The following LIMCH1 variants were observed in gnomAD, a reference collection of about 807,000 sequenced individuals.
The protein encoded by LIMCH1 is LIM and calponin homology domains-containing protein 1.
Under a neutral mutation model 176.5 loss-of-function variants are expected in LIMCH1, and 113 were observed. That is an observed-to-expected ratio of 0.64 (90% CI 0.55 to 0.75). The LOEUF is 0.75. Ranked by LOEUF, LIMCH1 falls within the 30% of genes least tolerant of loss-of-function variation. The pLI is 0.00. For synonymous variants in LIMCH1, 619 were observed against 645.9 expected, an observed-to-expected ratio of 0.96 and a Z score of 0.63; for missense variants, 1,674 against 1,814.9, an observed-to-expected ratio of 0.92 and a Z score of 1.41.
At chr4:41,392,577 A>G (rs1016476017) in intron 1 of LIMCH1, among the ~76,000 whole-genome samples, 3 of 152,310 alleles carry the variant, frequency 2.0e-5, no homozygotes, top group Middle Eastern at 3.4e-3. Flanking sequence ...GTCATGTTGT[A>G]GGAAAAATGT....
intron 1 of LIMCH1, among the ~76,000 whole-genome samples, chr4:41,413,457 G>A (rs917926109): frequency 6.6e-6 from 1 of 151,340 alleles, no homozygotes; most frequent in South Asian, 2.1e-4. Context: ...AGCCTCCTGA[G>A]TAGCTAGGAT....
At position 41,632,801 on chromosome 4, in the gene LIMCH1, C is replaced by A. The variant is rs1257601166; in HGVS notation, c.1654C>A (p.Pro552Thr). The A allele has an allele frequency of 1.3e-6, 2 of 1,536,074 alleles. No homozygotes were observed. The highest frequency in any genetic ancestry group is 2.4e-5 in the East Asian group (1 of 40,922). Residue 552 changes from proline to threonine, a missense_variant, in exon 11 of 32, where the codon CCT (proline) becomes ACT (threonine). This residue lies in a region of LIMCH1 where 4 missense variants were observed against 20.2 expected (regional missense o/e 0.20). Transcript: ENST00000503057. ...TTGCAGAAGGGCCTCGTGGCTGGCTCCTGTGCCGGAGTCTCAGGAAGAGTG... is the reference window on the plus strand; with the variant it reads ...TTGCAGAAGGGCCTCGTGGCTGGCTACTGTGCCGGAGTCTCAGGAAGAGTG... ...DYCRRASWLAPVPESQEEWVC... is the reference protein window; with the variant it reads ...DYCRRASWLATVPESQEEWVC...
rs2095224624 is a variant in LIMCH1 at position 41,676,530 on chromosome 4, A to T, written c.3519+68A>T. ...CCTCTTGCTTTCCATTGCATTAAAT[A>T]GACTTTTAGCACAGGAAATGAATGG... is the stretch of plus-strand genomic sequence containing the variant. On this transcript the variant is annotated intron_variant, in intron 23 of 31. Coordinates refer to ENST00000503057, the MANE Select transcript of LIMCH1 (RefSeq NM_001330672.2). 2.7e-6 allele frequency: 3 copies of T among 1,128,600 alleles called. No individual in the cohort carries two copies. In the African/African-American group the frequency reaches 4.6e-5, roughly 17 times the overall value. 69.9% of individuals were successfully genotyped at this position (1,128,600 alleles called of 1,614,324 possible).
In LIMCH1 at chr4:41,692,340, G is replaced by T; in HGVS notation, c.4334G>T (p.Arg1445Leu). ...GTGAGTGGGACGGATGTTAGGATTC[G>T]AAATGGTCTCCTGAACTGTAATGAT... ...DAVSGTDVRI[R>L]NGLLNCNDCY... The change falls in exon 31 of 32, where the codon CGA (arginine) becomes CTA (leucine). Residue 1445 changes from arginine (R) to leucine (L), a missense_variant. Around this residue, in one of 3 missense-constraint regions of LIMCH1, gnomAD observed 1,015 missense variants for 1,102.5 expected, o/e 0.92. Transcript: ENST00000503057. The T allele has an allele frequency of 6.2e-7, 1 of 1,613,524 alleles. No individual in the cohort carries two copies.
intron 1 of LIMCH1, among the ~76,000 whole-genome samples, chr4:41,438,791 C>T (rs1200830118): frequency 5.9e-5 from 9 of 152,228 alleles, no homozygotes; most frequent in African/African-American, 1.7e-4. Flanking sequence ...ACATGCACCT[C>T]GCCCAGGCCA....
At chr4:41,518,318 T>C (rs1445331123) in intron 2 of LIMCH1, among the ~76,000 whole-genome samples, 1 of 152,206 alleles carries the variant, frequency 6.6e-6, no homozygotes, top group Non-Finnish European at 1.5e-5. Flanking sequence ...AACTACTATA[T>C]GGGCTGTTGG....
intron 1 of LIMCH1, among the ~76,000 whole-genome samples, chr4:41,424,143 C>A (rs2060869481): frequency 7.4e-6 from 1 of 135,108 alleles, no homozygotes. Flanking sequence ...ACGTAGGGCT[C>A]CCTCTTTCCC....
Position 41,401,665 on chromosome 4 carries a change from C to G in LIMCH1, c.96+40729C>G, listed in dbSNP as rs543640030. On this transcript the variant is annotated intron_variant, in intron 1 of 26. Transcript: ENST00000313860. Reference sequence around the variant, plus strand: ...GATATTGATTCTTCCTACCCATGAGCATGGAATGTTCTTCCATTTGTTTGT... The same window carrying G: ...GATATTGATTCTTCCTACCCATGAGGATGGAATGTTCTTCCATTTGTTTGT... Among the ~76,000 whole-genome samples the G allele has an allele frequency of 2.2e-4, 33 of 152,220 alleles. 1 individual carries two copies. The South Asian group carries it at 4.6e-3, about 21-fold the overall frequency.
chr4:41,641,130 T>C (rs979489146), intron 14 of LIMCH1, among the ~76,000 whole-genome samples: 2 of 152,156 alleles, frequency 1.3e-5, no homozygotes, highest in Admixed American at 1.3e-4. Flanking sequence ...GGGAGACTCC[T>C]GGACTCTGCA....
rs1038096439 is a variant in LIMCH1 at position 41,625,408 on chromosome 4, C to T, written c.726-1300C>T. On this transcript the variant is annotated intron_variant, in intron 7 of 31. Transcript: ENST00000503057. Reference sequence around the variant, plus strand: ...TACCTAGACACCTGTGAATACAATCCTACATATCTACCTTATACATATTAT... The same window carrying T: ...TACCTAGACACCTGTGAATACAATCTTACATATCTACCTTATACATATTAT... Among the ~76,000 whole-genome samples, 3 of 152,252 alleles carry T rather than the reference C, an allele frequency of 2.0e-5. No homozygotes were observed. The East Asian group carries it at 5.8e-4, about 29-fold the overall frequency.
chr4:41,631,032 G>A (rs762760277), intron 9 of LIMCH1, 116 bp from the exon 10 acceptor site: 21 of 855,942 alleles, frequency 2.5e-5, no homozygotes, highest in Non-Finnish European at 2.9e-5. Flanking sequence ...GTGGGATGCC[G>A]AACTCACTGA....
At chr4:41,394,677 C>T (rs1481343856) in intron 1 of LIMCH1, among the ~76,000 whole-genome samples, 1 of 152,168 alleles carries the variant, frequency 6.6e-6, no homozygotes, top group Non-Finnish European at 1.5e-5. Flanking sequence ...TAATGTTCCC[C>T]TGGAAATCAC....
intron 8 of LIMCH1, 22 bp downstream of exon 8, chr4:41,627,032 G>A (rs1246896747): frequency 6.6e-7 from 1 of 1,511,816 alleles, no homozygotes; most frequent in East Asian, 2.4e-5. Context: ...GTGTGTGTGT[G>A]TGTGTGTGTG....
chr4:41,594,027 T>G (rs1438114071), intron 1 of LIMCH1, among the ~76,000 whole-genome samples: 2 of 152,164 alleles, frequency 1.3e-5, no homozygotes, highest in African/African-American at 4.8e-5. Context: ...ATTATGATAA[T>G]TCACCCCTAA....
intron 1 of LIMCH1, among the ~76,000 whole-genome samples, chr4:41,567,444 T>C (rs529306552): frequency 1.4e-4 from 22 of 152,196 alleles, no homozygotes; most frequent in Non-Finnish European, 2.2e-4. Context: ...AAGTAAAGTA[T>C]TTATGCAAAA....
intron 2 of LIMCH1, among the ~76,000 whole-genome samples, chr4:41,509,813 A>G (rs2074640922): frequency 6.6e-6 from 1 of 152,196 alleles, no homozygotes; most frequent in South Asian, 2.1e-4. Flanking sequence ...CACCAAATAA[A>G]TAGCCCTTGG....
chr4:41,685,001 G>A (rs1025092049), intron 27 of LIMCH1, among the ~76,000 whole-genome samples: 4 of 152,000 alleles, frequency 2.6e-5, no homozygotes, highest in East Asian at 1.9e-4. Context: ...TGTATTCCTC[G>A]CAAAAATGAT....
chr4:41,693,161 C>CTGTA (rs1261992347), intron 31 of LIMCH1: 4 of 152,112 alleles, frequency 2.6e-5, no homozygotes, highest in Non-Finnish European at 5.9e-5. Flanking sequence ...TGGTGGGTCA[C>CTGTA]CTAGACAGCA....
intron 1 of LIMCH1, among the ~76,000 whole-genome samples, chr4:41,395,986 C>T (rs2057766347): frequency 6.6e-6 from 1 of 152,106 alleles, no homozygotes; most frequent in South Asian, 2.1e-4. Context: ...GACAGTGGGG[C>T]AGAGACCTGA....
Sources: allele counts gnomAD v4.1 joint callset (sites outside exome capture counted in the v4.1 genomes callset), GRCh38; gene constraint gnomAD v4.1.1; regional missense constraint gnomAD v4.1.1; transcripts MANE v1.5; gene names NCBI Gene and HGNC (gene_info 2026-07-23, HGNC 2026-07-21).